The following RASD1 variants were observed in gnomAD, a reference collection of about 807,000 sequenced individuals.
RASD1 encodes the protein dexamethasone-induced Ras-related protein 1.
RASD1 carries 13 observed loss-of-function variants against 16.7 expected under a neutral mutation model. The ratio of observed to expected loss-of-function variants is 0.78; its 90% CI spans 0.51 to 1.24. RASD1 has a LOEUF of 1.24. Ranked by LOEUF, RASD1 falls within the 50% of genes most tolerant of loss-of-function variation. The pLI, the probability that RASD1 is intolerant of heterozygous loss-of-function variation, is 0.00. For synonymous variants in RASD1, 170 were observed against 172.6 expected (o/e 0.98, Z 0.12); for missense variants, 397 against 407.5 (o/e 0.97, Z 0.22).
chr17:17,495,460 A>T lies in RASD1; in HGVS notation c.511T>A (p.Cys171Ser), dbSNP rs1307734482. 1 of 1,608,762 alleles carries T rather than the reference A, an allele frequency of 6.2e-7. No homozygotes were observed. Among genetic ancestry groups the T allele is most frequent in the East Asian group, 2.2e-5 (1 of 44,724 alleles). The part of the protein sequence containing the change: ...EQLVGDDPQR[C>S]AYFEISAKKN... ...TTGGCCGAGATCTCGAAGTAGGCGC[A>T]GCGCTGGGGGTCGTCGCCCACCAGC... Residue 171 changes from cysteine (C) to serine (S), a missense_variant, in exon 2 of 2, where the codon TGC becomes AGC. Physicochemically the swap from Cys to Ser is moderately radical, Grantham distance 112. Transcript: ENST00000225688.
In RASD1 at chr17:17,496,037, A is replaced by G; in HGVS notation, c.145T>C (p.Phe49Leu). ...AIVSRFLTGR[F>L]EDAYTPTIED... ...ATGGTAGGCGTGTAGGCGTCCTCGA[A>G]GCGGCCGGTGAGGAAGCGCGACACG... is the stretch of plus-strand genomic sequence containing the variant. The change falls in exon 1 of 2, where the codon TTC becomes CTC. Residue 49 changes from phenylalanine (F) to leucine (L), a missense_variant. By Grantham distance (22) the Phe-to-Leu change is conservative. Coordinates refer to ENST00000225688, the MANE Select transcript of RASD1 (RefSeq NM_016084.5). The G allele has an allele frequency of 6.2e-7, 1 of 1,613,996 alleles. No homozygotes were observed. The highest frequency in any genetic ancestry group is 8.5e-7 in the Non-Finnish European group (1 of 1,179,984).
At position 17,494,812 on chromosome 17, in the gene RASD1, C is replaced by G. The variant is rs1286416541; in HGVS notation, c.*313G>C. On this transcript the variant is annotated 3_prime_UTR_variant, in exon 2 of 2. Coordinates refer to ENST00000225688, the MANE Select transcript of RASD1 (RefSeq NM_016084.5). ...ATAACTTCACATCCCTCCCCCACCC[C>G]GCGCTCACTCTTAGGTCTTTGAGAA... The G allele has an allele frequency of 1.4e-5, 6 of 438,938 alleles. No homozygotes were observed. Among genetic ancestry groups the G allele is most frequent in the Middle Eastern group, 6.0e-4 (1 of 1,658 alleles). The allele number at this position is 438,938 out of a possible 1,614,324, so 27.2% of individuals were successfully genotyped here. A position where few individuals can be genotyped will look rare whatever the true frequency, so the allele number is the denominator to read the frequency against.
At position 17,494,806 on chromosome 17, in the gene RASD1, C is replaced by CCA. The variant is rs1905353784; in HGVS notation, c.*317_*318dup. The CCA allele has an allele frequency of 2.4e-6, 1 of 419,622 alleles. No homozygotes were observed. Among genetic ancestry groups the CCA allele is most frequent in the South Asian group, 3.2e-5 (1 of 31,422 alleles). 26.0% of individuals were successfully genotyped at this position (419,622 alleles called of 1,614,324 possible). ...GGCTGGATAACTTCACATCCCTCCC[C>CCA]CACCCCGCGCTCACTCTTAGGTCTT... is the stretch of plus-strand genomic sequence containing the variant. On this transcript the variant is annotated 3_prime_UTR_variant, in exon 2 of 2. Coordinates refer to ENST00000225688, the MANE Select transcript of RASD1 (RefSeq NM_016084.5).
Position 17,495,413 on chromosome 17 carries a change from C to G in RASD1, c.558G>C (p.Gln186His). 6.2e-7 allele frequency: 1 copy of G among 1,605,620 alleles called. No homozygotes were observed. Among genetic ancestry groups the G allele is most frequent in the Non-Finnish European group, 8.5e-7 (1 of 1,176,618 alleles). The stretch of plus-strand genomic sequence containing the variant: ...CCATGGCGAAGAGCGCGCGGAACAT[C>G]TGGTCCAGGCTGCTGTTCTTCTTGG... ...ISAKKNSSLDQMFRALFAMAK... is the reference protein window; with the variant it reads ...ISAKKNSSLDHMFRALFAMAK... Residue 186 changes from glutamine (Q) to histidine (H), a missense_variant, in exon 2 of 2, where the codon CAG becomes CAC. Gln to His is a conservative substitution (Grantham distance 24). Transcript: ENST00000225688.
chr17:17,494,960 G>T lies in RASD1; in HGVS notation c.*165C>A. ...CGTTCTCTTTCCTTCCGGAGCAGAT[G>T]ACCGTCCCTTCTCGGTTCAGTGGCG... On this transcript the variant is annotated 3_prime_UTR_variant, in exon 2 of 2. Coordinates refer to ENST00000225688, the MANE Select transcript of RASD1 (RefSeq NM_016084.5). The T allele has an allele frequency of 1.2e-6, 1 of 856,582 alleles. No homozygotes were observed. The highest frequency in any genetic ancestry group is 1.8e-6 in the Non-Finnish European group (1 of 570,556). 53.1% of individuals were successfully genotyped at this position (856,582 alleles called of 1,614,324 possible).
chr17:17,496,002 G>T lies in RASD1; in HGVS notation c.180C>A (p.Phe60Leu), dbSNP rs1469201971. 6.2e-7 allele frequency: 1 copy of T among 1,613,878 alleles called. No homozygotes were observed. Among genetic ancestry groups the T allele is most frequent in the African/African-American group, 1.3e-5 (1 of 74,950 alleles). ...CGCGGATGGAGTAGAACTTGCGGTGGAAGTCCTCGATGGTAGGCGTGTAGG... is the reference window on the plus strand; with the variant it reads ...CGCGGATGGAGTAGAACTTGCGGTGTAAGTCCTCGATGGTAGGCGTGTAGG... ...EDAYTPTIEDFHRKFYSIRGE... is the reference protein window; with the variant it reads ...EDAYTPTIEDLHRKFYSIRGE... Residue 60 changes from phenylalanine to leucine, a missense_variant, in exon 1 of 2, where the codon TTC becomes TTA. Transcript: ENST00000225688.
chr17:17,495,906 G>A lies in RASD1; in HGVS notation c.276C>T (p.Ser92=), dbSNP rs1308298543. Residue 92 remains serine, a synonymous_variant, in exon 1 of 2, where the codon TCC becomes TCT. Transcript: ENST00000225688. ...NHPFPAMRRL[S]ILTGDVFILV... is the part of the protein sequence containing the mutation. ...CGGCCCCCGGCTCACCTGTGAGGAT[G>A]GAGAGGCGCCGCATGGCGGGGAACG... The A allele has an allele frequency of 1.9e-6, 3 of 1,608,432 alleles. No individual in the cohort carries two copies. The Admixed American group carries it at 5.0e-5, about 27-fold the overall frequency.
chr17:17,495,128 G>A lies in RASD1; in HGVS notation c.843C>T (p.Ser281=). The A allele has an allele frequency of 6.2e-7, 1 of 1,610,950 alleles. No individual in the cohort carries two copies. The highest frequency in any genetic ancestry group is 8.5e-7 in the Non-Finnish European group (1 of 1,179,588). ...TGTCGCCAGCGCGGCGGGGCTCCTA[G>A]CTGATGACGCAGCGCTCCTTGTCCT... ...QAKDKERCVI[S] is the part of the protein sequence containing the mutation. Residue 281 remains serine (S), a synonymous_variant, in exon 2 of 2, where the codon AGC becomes AGT. Coordinates refer to ENST00000225688, the MANE Select transcript of RASD1 (RefSeq NM_016084.5).
rs1905370506 is a variant in RASD1 at position 17,495,117 on chromosome 17, C to T, written c.*8G>A. The stretch of plus-strand genomic sequence containing the variant: ...TCCTTAGGTTGTGTCGCCAGCGCGG[C>T]GGGGCTCCTAGCTGATGACGCAGCG... On this transcript the variant is annotated 3_prime_UTR_variant, in exon 2 of 2. Coordinates refer to ENST00000225688, the MANE Select transcript of RASD1 (RefSeq NM_016084.5). 6.2e-7 allele frequency: 1 copy of T among 1,610,052 alleles called. No individual in the cohort carries two copies. Among genetic ancestry groups the T allele is most frequent in the Non-Finnish European group, 8.5e-7 (1 of 1,179,360 alleles).
rs1905420986 is a variant in RASD1 at position 17,495,953 on chromosome 17, G to GGATGTCGAGCTGGTA, written c.214_228dup (p.Tyr72_Ile76dup). ...AACGGGTGGTTGCCGGACGTGTCGA[G>GGATGTCGAGCTGGTA]GATGTCGAGCTGGTAGACCTCGCCG... On this transcript the variant is annotated inframe_insertion, in exon 1 of 2. Transcript: ENST00000225688. 6.2e-7 allele frequency: 1 copy of GGATGTCGAGCTGGTA among 1,612,458 alleles called. No individual in the cohort carries two copies. The highest frequency in any genetic ancestry group is 1.1e-5 in the South Asian group (1 of 91,084).
chr17:17,495,279 C>G lies in RASD1; in HGVS notation c.692G>C (p.Gly231Ala). 6.4e-7 allele frequency: 1 copy of G among 1,562,746 alleles called. No homozygotes were observed. Among genetic ancestry groups the G allele is most frequent in the South Asian group, 1.2e-5 (1 of 86,190 alleles). ...ALRNKKLLRA[G>A]SGGGGGDPGD... is the part of the protein sequence containing the mutation. Reference sequence around the variant, plus strand: ...CGGGTCGCCGCCGCCGCCGCCGCTGCCGGCCCGCAGCAGCTTCTTGTTCCG... The same window carrying G: ...CGGGTCGCCGCCGCCGCCGCCGCTGGCGGCCCGCAGCAGCTTCTTGTTCCG... The change falls in exon 2 of 2, where the codon GGC becomes GCC. Residue 231 changes from glycine (G) to alanine (A), a missense_variant. Physicochemically the swap from Gly to Ala is moderately conservative, Grantham distance 60. Coordinates refer to ENST00000225688, the MANE Select transcript of RASD1 (RefSeq NM_016084.5).
Position 17,494,698 on chromosome 17 carries a change from A to T in RASD1, c.*427T>A. ...GGGCAGAGGCTCTACCGGCTGTCAC[A>T]GCAACCCGGAATCACAGACAAGATA... On this transcript the variant is annotated 3_prime_UTR_variant, in exon 2 of 2. Coordinates refer to ENST00000225688, the MANE Select transcript of RASD1 (RefSeq NM_016084.5). 1 of 194,070 alleles carries T rather than the reference A, an allele frequency of 5.2e-6. No individual in the cohort carries two copies. Among genetic ancestry groups the T allele is most frequent in the Non-Finnish European group, 1.0e-5 (1 of 95,618 alleles). 12.0% of individuals were successfully genotyped at this position (194,070 alleles called of 1,614,324 possible).
Position 17,496,330 on chromosome 17 carries a change from C to T in RASD1, c.-149G>A. 2.4e-6 allele frequency: 2 copies of T among 839,676 alleles called. No homozygotes were observed. The highest frequency in any genetic ancestry group is 3.5e-6 in the Non-Finnish European group (2 of 572,100). 52.0% of individuals were successfully genotyped at this position (839,676 alleles called of 1,614,324 possible). ...GCTTGGGGCTCCGGCTCCGCTCGGG[C>T]TGGGCTCGGGCTAGGCTGGGCTCGG... On this transcript the variant is annotated 5_prime_UTR_variant, in exon 1 of 2. Coordinates refer to ENST00000225688, the MANE Select transcript of RASD1 (RefSeq NM_016084.5).
In RASD1 at chr17:17,494,826, G is replaced by GGTCT; in HGVS notation, c.*295_*298dup. On this transcript the variant is annotated 3_prime_UTR_variant, in exon 2 of 2. Coordinates refer to ENST00000225688, the MANE Select transcript of RASD1 (RefSeq NM_016084.5). ...CTCCCCCACCCCGCGCTCACTCTTAGGTCTTTGAGAAGATAAATCCACCCT... is the reference window on the plus strand; with the variant it reads ...CTCCCCCACCCCGCGCTCACTCTTAGGTCTGTCTTTGAGAAGATAAATCCACCCT... The GGTCT allele has an allele frequency of 2.0e-6, 1 of 506,706 alleles. No homozygotes were observed. 31.4% of individuals were successfully genotyped at this position (506,706 alleles called of 1,614,324 possible).
Position 17,496,217 on chromosome 17 carries a change from A to G in RASD1, c.-36T>C. The G allele has an allele frequency of 6.5e-7, 1 of 1,529,260 alleles. No individual in the cohort carries two copies. Among genetic ancestry groups the G allele is most frequent in the Non-Finnish European group, 8.8e-7 (1 of 1,135,112 alleles). The allele number at this position is 1,529,260 out of a possible 1,614,324, so 94.7% of individuals were successfully genotyped here. On this transcript the variant is annotated 5_prime_UTR_variant, in exon 1 of 2. Coordinates refer to ENST00000225688, the MANE Select transcript of RASD1 (RefSeq NM_016084.5). Reference sequence around the variant, plus strand: ...GGCCGCGAGGGCGGGCGCGGGGCCGAGAGAAGGGCAGAGAGCGGCTGAGGG... The same window carrying G: ...GGCCGCGAGGGCGGGCGCGGGGCCGGGAGAAGGGCAGAGAGCGGCTGAGGG...
chr17:17,495,113 G>A lies in RASD1; in HGVS notation c.*12C>T, dbSNP rs749596673. ...GTCCTCCTTAGGTTGTGTCGCCAGC[G>A]CGGCGGGGCTCCTAGCTGATGACGC... On this transcript the variant is annotated 3_prime_UTR_variant, in exon 2 of 2. Transcript: ENST00000225688. 23 of 1,609,812 alleles carry A rather than the reference G, an allele frequency of 1.4e-5. No individual in the cohort carries two copies. The South Asian group carries it at 2.2e-4, about 15-fold the overall frequency.
In RASD1 at chr17:17,495,437, G is replaced by A. The variant is rs1027535976; in HGVS notation, c.534C>T (p.Ala178=). The A allele has an allele frequency of 1.2e-6, 2 of 1,607,552 alleles. No homozygotes were observed. The highest frequency in any genetic ancestry group is 1.7e-6 in the Non-Finnish European group (2 of 1,177,392). The part of the protein sequence containing the change: ...PQRCAYFEIS[A]KKNSSLDQMF... ...TCTGGTCCAGGCTGCTGTTCTTCTT[G>A]GCCGAGATCTCGAAGTAGGCGCAGC... The change falls in exon 2 of 2, where the codon GCC becomes GCT. Residue 178 remains alanine, a synonymous_variant. Transcript: ENST00000225688.
rs1905338137 is a variant in RASD1 at position 17,494,526 on chromosome 17, G to A, written c.*599C>T. ...TCAGACACACACAGTATAAACACCT[G>A]GGTAAGGTTTTGTTCGTGTCCATGT... On this transcript the variant is annotated 3_prime_UTR_variant, in exon 2 of 2. Transcript: ENST00000225688. The A allele has an allele frequency of 6.5e-6, 1 of 153,726 alleles. No individual in the cohort carries two copies. The highest frequency in any genetic ancestry group is 6.5e-5 in the Admixed American group (1 of 15,434). 9.5% of individuals were successfully genotyped at this position (153,726 alleles called of 1,614,324 possible).
At position 17,496,326 on chromosome 17, in the gene RASD1, C is replaced by A; in HGVS notation, c.-145G>T. On this transcript the variant is annotated 5_prime_UTR_variant, in exon 1 of 2. Coordinates refer to ENST00000225688, the MANE Select transcript of RASD1 (RefSeq NM_016084.5). ...TCGGGCTTGGGGCTCCGGCTCCGCT[C>A]GGGCTGGGCTCGGGCTAGGCTGGGC... 1.2e-6 allele frequency: 1 copy of A among 848,176 alleles called. No individual in the cohort carries two copies. Among genetic ancestry groups the A allele is most frequent in the South Asian group, 1.9e-5 (1 of 53,030 alleles). 52.5% of individuals were successfully genotyped at this position (848,176 alleles called of 1,614,324 possible).
Sources: gnomAD v4.1 joint callset for allele counts on GRCh38, gnomAD v4.1.1 for gene constraint, MANE v1.5 for transcripts, NCBI Gene and HGNC (gene_info 2026-07-23, HGNC 2026-07-21) for gene names.